NFIB: variants seen among roughly 807,000 people sequenced by gnomAD.
The protein encoded by NFIB is nuclear factor I B.
In NFIB, 11 loss-of-function variants were observed where a neutral mutation model predicts 61.5. The observed-to-expected ratio is 0.18, with a 90% CI of 0.11 to 0.30. NFIB has a LOEUF of 0.30. Among genes scored for constraint, NFIB ranks in the 10% least tolerant of loss-of-function variants. NFIB has a pLI of 1.00. For synonymous variants in NFIB, 260 were observed against 216.5 expected, an observed-to-expected ratio of 1.20 and a Z score of -1.76; for missense variants, 471 against 608.9, an observed-to-expected ratio of 0.77 and a Z score of 2.38.
At chr9:14,399,957 T>C (rs1238245696), upstream of NFIB, among the ~76,000 whole-genome samples, 1 of 152,028 alleles carries the variant, frequency 6.6e-6, no homozygotes, top group East Asian at 1.9e-4. Context: ...GTTGAAATCA[T>C]CTTACATGAC....
At chr9:14,518,674 G>C in the NFIB span, among the ~76,000 whole-genome samples, 1 of 151,836 alleles carries the variant, frequency 6.6e-6, no homozygotes, top group East Asian at 1.9e-4. Context: ...AAAAAAAAAA[G>C]AGAGAAGAGA....
At chr9:14,289,229 C>CATAT (rs57903652) in intron 2 of NFIB, among the ~76,000 whole-genome samples, 51 of 147,902 alleles carry the variant, frequency 3.4e-4, no homozygotes, top group South Asian at 1.1e-3. Context: ...ACCAAATACA[C>CATAT]ATATATATAT....
At chr9:14,244,928 T>C (rs7854519) in intron 2 of NFIB, among the ~76,000 whole-genome samples, 363 of 152,318 alleles carry the variant, frequency 2.4e-3, no homozygotes, top group African/African-American at 7.7e-3. Context: ...TTCCATGACA[T>C]TGGGGTGTCC....
At chr9:14,224,929 G>A (rs762816471) in intron 2 of NFIB, among the ~76,000 whole-genome samples, 4 of 152,032 alleles carry the variant, frequency 2.6e-5, no homozygotes, top group Non-Finnish European at 4.4e-5. Flanking sequence ...TTTCTTATAG[G>A]AGAGCACATG....
At chr9:14,140,705 A>G (rs1272293231) in intron 6 of NFIB, among the ~76,000 whole-genome samples, 1 of 152,126 alleles carries the variant, frequency 6.6e-6, no homozygotes, top group Non-Finnish European at 1.5e-5. Flanking sequence ...AGGCCCAGGT[A>G]GGAGGATCAG....
chr9:14,441,134 CAAAAAAAA>C, the NFIB span, among the ~76,000 whole-genome samples: 4 of 101,000 alleles, frequency 4.0e-5, no homozygotes, highest in Non-Finnish European at 8.1e-5. Context: ...TGAGTGGGTT[CAAAAAAAA>C]AAAAAAAAAA....
At chr9:14,306,812 T>C (rs746166037) in intron 2 of NFIB, among the ~76,000 whole-genome samples, 177 bp downstream of exon 2, 3 of 152,200 alleles carry the variant, frequency 2.0e-5, no homozygotes, top group Non-Finnish European at 4.4e-5. Flanking sequence ...TGTGTCTATT[T>C]ACATGGCTCG....
intron 3 of NFIB, 56 bp from the exon 4 acceptor site, chr9:14,155,949 G>T: frequency 9.4e-7 from 1 of 1,064,266 alleles, no homozygotes; most frequent in Non-Finnish European, 1.4e-6. Context: ...TAAAATAAAT[G>T]ATTATACACT....
intron 9 of NFIB, among the ~76,000 whole-genome samples, chr9:14,114,835 A>T (rs531722927): frequency 6.6e-6 from 1 of 152,340 alleles, no homozygotes; most frequent in African/African-American, 2.4e-5. Flanking sequence ...CTTAAAAAAA[A>T]ATCTTTGTTT....
At chr9:14,415,114 T>C in the NFIB span, among the ~76,000 whole-genome samples, 103 of 152,280 alleles carry the variant, frequency 6.8e-4, no homozygotes, top group African/African-American at 2.1e-3. Flanking sequence ...GCAGGCCTGA[T>C]TGGGGAAGAA....
rs1002831960 is a variant in NFIB at position 14,084,528 on chromosome 9, T to C, written c.*3781A>G. 2 of 226,108 alleles carry C rather than the reference T, an allele frequency of 8.8e-6. No individual in the cohort carries two copies. Among genetic ancestry groups the C allele is most frequent in the Non-Finnish European group, 1.8e-5 (2 of 113,278 alleles). 14.0% of individuals were successfully genotyped at this position (226,108 alleles called of 1,614,324 possible). A position where few individuals can be genotyped will look rare whatever the true frequency, so the allele number is the denominator to read the frequency against. ...CTTCACTGCCTTTTATTTTTTTCCT[T>C]AGACAAGCCTCAAATGCTCACGTCA... On this transcript the variant is annotated 3_prime_UTR_variant, in exon 11 of 11. Transcript: ENST00000380953.
chr9:14,246,836 A>G (rs538703573), intron 2 of NFIB, among the ~76,000 whole-genome samples: 14 of 152,298 alleles, frequency 9.2e-5, no homozygotes, highest in African/African-American at 3.4e-4. Flanking sequence ...TGAAGACCCA[A>G]TCCCCAGTGT....
At chr9:14,445,291 A>G in the NFIB span, among the ~76,000 whole-genome samples, 1 of 151,968 alleles carries the variant, frequency 6.6e-6, no homozygotes, top group Admixed American at 6.6e-5. Context: ...AATCATTTCT[A>G]TTTTTTTATT....
At chr9:14,197,773 A>C (rs1380792030) in intron 2 of NFIB, among the ~76,000 whole-genome samples, 1 of 152,184 alleles carries the variant, frequency 6.6e-6, no homozygotes, top group African/African-American at 2.4e-5. Context: ...CGCTTTAGCA[A>C]ATTTTGGAAA....
chr9:14,472,910 G>T, the NFIB span, among the ~76,000 whole-genome samples: 28 of 152,224 alleles, frequency 1.8e-4, no homozygotes, highest in African/African-American at 6.7e-4. Context: ...AACCAAAGCT[G>T]GTTTTTCACC....
chr9:14,177,773 AAAAATTAGAGGTGTT>A (rs1375315653), intron 3 of NFIB, among the ~76,000 whole-genome samples: 1 of 152,208 alleles, frequency 6.6e-6, no homozygotes, highest in Non-Finnish European at 1.5e-5. Context: ...TAAAAGGGAA[AAAAATTAGAGGTGTT>A]CTACCTTGGT....
At chr9:14,370,383 CTG>C (rs2061345757) in intron 1 of NFIB, among the ~76,000 whole-genome samples, 1 of 152,158 alleles carries the variant, frequency 6.6e-6, no homozygotes, top group Middle Eastern at 3.2e-3. Flanking sequence ...GGGTAGTTAA[CTG>C]TTTTTTTTAG....
At position 14,085,148 on chromosome 9, in the gene NFIB, G is replaced by A. The variant is rs545882339; in HGVS notation, c.*3161C>T. 93 of 229,502 alleles carry A rather than the reference G, an allele frequency of 4.1e-4. No homozygotes were observed. Among genetic ancestry groups the A allele is most frequent in the Non-Finnish European group, 7.4e-4 (86 of 115,824 alleles). 14.2% of individuals were successfully genotyped at this position (229,502 alleles called of 1,614,324 possible). ...TGCACTGCTAGGATCCCGCTGTGCT[G>A]TTCAGCATTTGGGCTATCAAACTGA... On this transcript the variant is annotated 3_prime_UTR_variant, in exon 11 of 11. Coordinates refer to ENST00000380953, the MANE Select transcript of NFIB (RefSeq NM_001190737.2).
chr9:14,262,689 C>T (rs1205956624), intron 2 of NFIB, among the ~76,000 whole-genome samples: 1 of 152,156 alleles, frequency 6.6e-6, no homozygotes, highest in Admixed American at 6.6e-5. Context: ...GTTGACAATC[C>T]TAACTTACTA....
Sources: gnomAD v4.1 joint callset for allele counts (sites outside exome capture counted in the v4.1 genomes callset) on GRCh38, gnomAD v4.1.1 for gene constraint, MANE v1.5 for transcripts, NCBI Gene and HGNC (gene_info 2026-07-23, HGNC 2026-07-21) for gene names.